The following SH3KBP1 variants were observed in gnomAD, a reference collection of about 807,000 sequenced individuals.
The protein encoded by SH3KBP1 is SH3 domain-containing kinase-binding protein 1.
In SH3KBP1, 8 loss-of-function variants were observed where a neutral mutation model predicts 50.1. That is an observed-to-expected ratio of 0.16 (90% confidence interval 0.09 to 0.29). SH3KBP1 has a LOEUF of 0.29. Among genes scored for constraint, SH3KBP1 ranks in the 10% least tolerant of loss-of-function variants. The pLI is 1.00. For synonymous variants in SH3KBP1, 227 were observed against 218.6 expected, an observed-to-expected ratio of 1.04 and a Z score of -0.34; for missense variants, 377 against 535.2, an observed-to-expected ratio of 0.70 and a Z score of 2.92.
chrX:19,600,719 A>G (rs1569328232), intron 9 of SH3KBP1, among the ~76,000 whole-genome samples: 1 of 111,628 alleles, frequency 9.0e-6, no homozygotes, highest in Non-Finnish European at 1.9e-5. Context: ...CAACTCAGGC[A>G]AGTATTTAAG....
chrX:19,675,108 A>G (rs1033377265), intron 6 of SH3KBP1, among the ~76,000 whole-genome samples: 1 of 110,536 alleles, frequency 9.0e-6, no homozygotes, highest in Non-Finnish European at 1.9e-5. Context: ...TAAATAAATA[A>G]ATAGAAATAA....
chrX:19,727,934 C>T (rs373381060), intron 3 of SH3KBP1, among the ~76,000 whole-genome samples: 1 of 111,906 alleles, frequency 8.9e-6, no homozygotes, highest in East Asian at 2.8e-4. Flanking sequence ...GAGATCACAC[C>T]ACTGCACTCC....
intron 2 of SH3KBP1, among the ~76,000 whole-genome samples, chrX:19,825,141 G>A (rs979518239): frequency 3.6e-5 from 4 of 111,609 alleles, no homozygotes; most frequent in African/African-American, 6.5e-5. Context: ...GCTGAACACT[G>A]CAAAACAACG....
chrX:19,611,044 C>T (rs1324744574), intron 8 of SH3KBP1, among the ~76,000 whole-genome samples: 1 of 110,355 alleles, frequency 9.1e-6, no homozygotes, highest in African/African-American at 3.3e-5. Flanking sequence ...GCCACCATGC[C>T]TGGCTAATTT....
chrX:19,802,360 A>G (rs1413328246), intron 2 of SH3KBP1, among the ~76,000 whole-genome samples: 2 of 110,866 alleles, frequency 1.8e-5, no homozygotes, highest in African/African-American at 6.6e-5. Context: ...GCACCACTGC[A>G]CTCCAAAATA....
intron 9 of SH3KBP1, among the ~76,000 whole-genome samples, chrX:19,602,430 C>A (rs773493408): frequency 3.0e-4 from 34 of 111,906 alleles, no homozygotes; most frequent in Admixed American, 8.5e-4. Flanking sequence ...GAGGGAATAC[C>A]ATCTGGGTGG....
chrX:19,783,065 C>A (rs1026974511), intron 2 of SH3KBP1, among the ~76,000 whole-genome samples: 1 of 112,200 alleles, frequency 8.9e-6, no homozygotes, highest in African/African-American at 3.2e-5. Flanking sequence ...TTGCAGTGAC[C>A]TGTGATCATG....
At chrX:19,566,113 C>T (rs2065836969) in intron 13 of SH3KBP1, among the ~76,000 whole-genome samples, 1 of 109,370 alleles carries the variant, frequency 9.1e-6, no homozygotes, top group African/African-American at 3.3e-5. Context: ...TGCACTCCAG[C>T]CTGGGTGACA....
chrX:19,702,209 G>C (rs772663982), intron 4 of SH3KBP1, among the ~76,000 whole-genome samples: 3 of 111,917 alleles, frequency 2.7e-5, no homozygotes, highest in South Asian at 3.7e-4. Flanking sequence ...AGTATGCTTC[G>C]ATCACCTATT....
chrX:19,582,731 C>T (rs970634038), intron 12 of SH3KBP1, among the ~76,000 whole-genome samples: 2 of 111,823 alleles, frequency 1.8e-5, no homozygotes, highest in Non-Finnish European at 3.8e-5. Context: ...CCCCTGGCCA[C>T]TCAGAGAGCA....
chrX:19,602,900 G>A (rs561009398), intron 9 of SH3KBP1, among the ~76,000 whole-genome samples: 25 of 111,678 alleles, frequency 2.2e-4, no homozygotes, highest in African/African-American at 5.9e-4. Flanking sequence ...AGCAAAATTC[G>A]GCCATTGTGG....
intron 2 of SH3KBP1, among the ~76,000 whole-genome samples, chrX:19,821,032 A>G (rs960103882): frequency 3.6e-5 from 4 of 111,458 alleles, no homozygotes; most frequent in African/African-American, 1.3e-4. Context: ...TATTACCTCA[A>G]TATATATTGG....
At chrX:19,743,314 G>C (rs926211640) in intron 3 of SH3KBP1, among the ~76,000 whole-genome samples, 11 of 110,456 alleles carry the variant, frequency 1.0e-4, no homozygotes, top group African/African-American at 3.6e-4. Context: ...AGGCTGAGGT[G>C]GGAGGATCAC....
At chrX:19,673,107 G>A (rs905119880) in intron 6 of SH3KBP1, among the ~76,000 whole-genome samples, 3 of 107,371 alleles carry the variant, frequency 2.8e-5, no homozygotes, top group African/African-American at 6.8e-5. Context: ...AACGTACCAC[G>A]TTAATGCAAG....
intron 2 of SH3KBP1, among the ~76,000 whole-genome samples, chrX:19,792,078 C>T (rs1603246130): frequency 3.6e-5 from 4 of 111,319 alleles, no homozygotes; most frequent in East Asian, 5.6e-4. Context: ...ATACTCACCA[C>T]GGTTTTGCAT....
chrX:19,569,256 T>C, intron 12 of SH3KBP1, 68 bp from the exon 13 acceptor site: 10 of 970,163 alleles, frequency 1.0e-5, no homozygotes, highest in Non-Finnish European at 1.3e-5. Context: ...GTCAGTTTTC[T>C]TGCTGCACAC....
chrX:19,664,976 G>T (rs1026741741), intron 6 of SH3KBP1, among the ~76,000 whole-genome samples: 2 of 111,956 alleles, frequency 1.8e-5, no homozygotes, highest in African/African-American at 3.2e-5. Context: ...AGTTTTGCAC[G>T]ACTCTAGGAT....
At chrX:19,589,157 G>C (rs2066661885) in intron 11 of SH3KBP1, among the ~76,000 whole-genome samples, 1 of 112,654 alleles carries the variant, frequency 8.9e-6, no homozygotes. Flanking sequence ...TTCCTCACCT[G>C]AGCATTACAG....
At chrX:19,672,327 C>T (rs1452484429) in intron 6 of SH3KBP1, among the ~76,000 whole-genome samples, 1 of 111,895 alleles carries the variant, frequency 8.9e-6, no homozygotes, top group East Asian at 2.8e-4. Context: ...TGAAACTCCC[C>T]ACTCTTTAAG....
Sources: allele counts gnomAD v4.1 joint callset (sites outside exome capture counted in the v4.1 genomes callset), GRCh38; gene constraint gnomAD v4.1.1; transcripts MANE v1.5; gene names NCBI Gene and HGNC (gene_info 2026-07-23, HGNC 2026-07-21).